IMPG1: variants seen among roughly 807,000 people sequenced by gnomAD.
IMPG1 encodes the protein interphotoreceptor matrix proteoglycan 1, also known as interphotoreceptor matrix proteoglycan of 150 kDa.
IMPG1 carries 85 observed loss-of-function variants against 92.0 expected under a neutral mutation model. The observed-to-expected ratio is 0.92, with a 90% CI of 0.78 to 1.11. IMPG1 has a LOEUF of 1.11. Ranked by LOEUF, IMPG1 falls within the 50% of genes least tolerant of loss-of-function variation. IMPG1 has a pLI of 0.00. For synonymous variants in IMPG1, 367 were observed against 334.1 expected (o/e 1.10, Z -1.08); for missense variants, 1,022 against 956.0 (o/e 1.07, Z -0.91).
At chr6:76,013,165 A>T (rs1783220162) in intron 7 of IMPG1, among the ~76,000 whole-genome samples, 1 of 152,066 alleles carries the variant, frequency 6.6e-6, no homozygotes, top group Admixed American at 6.6e-5. Context: ...TTCTGAAGTT[A>T]ATCTTTTTAC....
intron 14 of IMPG1, among the ~76,000 whole-genome samples, chr6:75,946,964 C>G (rs189457595): frequency 6.6e-6 from 1 of 151,980 alleles, no homozygotes; most frequent in African/African-American, 2.4e-5. Flanking sequence ...TGAGAAAGTG[C>G]TTTTGACTTC....
intron 12 of IMPG1, among the ~76,000 whole-genome samples, chr6:75,994,562 G>A (rs907029387): frequency 6.6e-5 from 10 of 152,234 alleles, no homozygotes; most frequent in African/African-American, 2.4e-4. Flanking sequence ...GCAAGGAGGA[G>A]CATGTCACGT....
At chr6:75,964,071 T>C (rs577924588) in intron 12 of IMPG1, among the ~76,000 whole-genome samples, 55 of 152,262 alleles carry the variant, frequency 3.6e-4, no homozygotes, top group African/African-American at 1.2e-3. Context: ...TCAAAAGCTC[T>C]GACATATTTT....
chr6:75,986,436 G>A (rs1331436968), intron 12 of IMPG1, among the ~76,000 whole-genome samples: 1 of 152,162 alleles, frequency 6.6e-6, no homozygotes, highest in Non-Finnish European at 1.5e-5. Flanking sequence ...GAGAAAAACA[G>A]ATACATCAAA....
chr6:76,020,591 G>A (rs1404832590), intron 6 of IMPG1, among the ~76,000 whole-genome samples: 1 of 152,178 alleles, frequency 6.6e-6, no homozygotes, highest in Non-Finnish European at 1.5e-5. Context: ...TGGTAGGTCT[G>A]GTGGTAGTGG....
At chr6:76,007,302 AT>A (rs35430948) in intron 9 of IMPG1, among the ~76,000 whole-genome samples, 177 bp downstream of exon 9, 13,197 of 147,680 alleles carry the variant, frequency 0.089, 711 homozygotes, top group South Asian at 0.12. Flanking sequence ...TGATAAGAGA[AT>A]TTTTTTTTTT....
intron 2 of IMPG1, among the ~76,000 whole-genome samples, chr6:76,039,185 C>A (rs922479190): frequency 1.3e-5 from 2 of 152,154 alleles, no homozygotes; most frequent in Non-Finnish European, 1.5e-5. Flanking sequence ...TGTTAAAATG[C>A]AGATTCTGAC....
At chr6:75,947,665 T>G (rs1408358577) in intron 13 of IMPG1, 132 bp from the exon 14 acceptor site, 2 of 672,250 alleles carry the variant, frequency 3.0e-6, no homozygotes, top group Non-Finnish European at 5.0e-6. Flanking sequence ...TTTTTGTTTT[T>G]GGATTTAATG....
chr6:75,960,350 T>C (rs1448229609), intron 12 of IMPG1, among the ~76,000 whole-genome samples: 1 of 152,234 alleles, frequency 6.6e-6, no homozygotes, highest in Non-Finnish European at 1.5e-5. Flanking sequence ...ATGTTTTTTG[T>C]GACATCTTAA....
intron 15 of IMPG1, among the ~76,000 whole-genome samples, chr6:75,925,261 TAAATA>T (rs1781531510): frequency 6.6e-6 from 1 of 152,226 alleles, no homozygotes; most frequent in Non-Finnish European, 1.5e-5. Context: ...TAAATTTTTT[TAAATA>T]AAATAAATAT....
Position 76,007,462 on chromosome 6 carries a change from A to T in IMPG1, c.887+18T>A. 6.3e-7 allele frequency: 1 copy of T among 1,581,530 alleles called. No homozygotes were observed. The highest frequency in any genetic ancestry group is 8.7e-7 in the Non-Finnish European group (1 of 1,155,374). Reference sequence around the variant, plus strand: ...AGACGGGAATGTACTATATTTCAAAACTTAAAGTCCAAATTACCCATCTTT... The same window carrying T: ...AGACGGGAATGTACTATATTTCAAATCTTAAAGTCCAAATTACCCATCTTT... On this transcript the variant is annotated intron_variant, in intron 9 of 16. Transcript: ENST00000369950.
chr6:75,971,195 A>G (rs1192800331), intron 12 of IMPG1, among the ~76,000 whole-genome samples: 1 of 152,058 alleles, frequency 6.6e-6, no homozygotes, highest in Non-Finnish European at 1.5e-5. Flanking sequence ...GGAAACCATC[A>G]TTCTCAGCAA....
intron 14 of IMPG1, among the ~76,000 whole-genome samples, chr6:75,935,559 A>T (rs1038182440): frequency 2.8e-4 from 42 of 151,984 alleles, no homozygotes; most frequent in African/African-American, 9.7e-4. Flanking sequence ...CCCCTTCCCC[A>T]CTTACCACCA....
intron 1 of IMPG1, among the ~76,000 whole-genome samples, chr6:76,062,974 TG>T (rs1784231933): frequency 1.3e-5 from 2 of 149,236 alleles, no homozygotes; most frequent in Middle Eastern, 3.5e-3. Context: ...GAGGCCGAGG[TG>T]AGTGGATTAT....
At chr6:76,040,826 C>G (rs2149489947) in intron 2 of IMPG1, among the ~76,000 whole-genome samples, 1 of 152,286 alleles carries the variant, frequency 6.6e-6, no homozygotes, top group East Asian at 1.9e-4. Context: ...TTAACTTGGG[C>G]ACATCTAACA....
chr6:76,010,246 G>A (rs1783162252), intron 8 of IMPG1, among the ~76,000 whole-genome samples: 1 of 152,224 alleles, frequency 6.6e-6, no homozygotes, highest in African/African-American at 2.4e-5. Context: ...CAGTGAAGGA[G>A]CCAGAAACAC....
intron 12 of IMPG1, among the ~76,000 whole-genome samples, chr6:75,970,942 A>T (rs1782402968): frequency 6.6e-6 from 1 of 152,188 alleles, no homozygotes; most frequent in South Asian, 2.1e-4. Context: ...TAGAAATACC[A>T]TTTGACCCAG....
rs75520883 is a variant in IMPG1, at chr6:75,981,195, G to A, written c.1291+21723C>T. On this transcript the variant is annotated intron_variant, in intron 12 of 16. Transcript: ENST00000369950. ...TCATTATAGATAGTCTGCTGGTAAA[G>A]TCTTAAGTCAAGAAGAACCACACAA... Among the ~76,000 whole-genome samples, 908 of 152,286 alleles carry A rather than the reference G, an allele frequency of 6.0e-3. 39 individuals are homozygous for A. The East Asian group carries it at 0.099, about 17-fold the overall frequency.
At chr6:75,957,164 C>T (rs747107830) in intron 12 of IMPG1, among the ~76,000 whole-genome samples, 14 of 152,100 alleles carry the variant, frequency 9.2e-5, no homozygotes, top group Non-Finnish European at 1.6e-4. Flanking sequence ...GTGATCCACT[C>T]GCCTCGGCTT....
Sources: allele counts gnomAD v4.1 joint callset (sites outside exome capture counted in the v4.1 genomes callset), GRCh38; gene constraint gnomAD v4.1.1; transcripts MANE v1.5; gene names NCBI Gene and HGNC (gene_info 2026-07-23, HGNC 2026-07-21).